The following CAPS2 variants were observed in gnomAD, a reference collection of about 807,000 sequenced individuals.
CAPS2 encodes calcyphosin-2.
In CAPS2, 98 loss-of-function variants were observed where a neutral mutation model predicts 86.5. That is an observed-to-expected ratio of 1.13 (90% confidence interval 0.96 to 1.34). CAPS2 has a LOEUF of 1.34. Ranked by LOEUF, CAPS2 falls within the 40% of genes most tolerant of loss-of-function variation. The pLI, the probability that CAPS2 is intolerant of heterozygous loss-of-function variation, is 0.00. For missense variants in CAPS2, 729 were observed against 686.8 expected (o/e 1.06, Z -0.69); for synonymous variants, 210 against 225.1 (o/e 0.93, Z 0.60).
chr12:75,340,394 C>T (rs962880621), intron 1 of CAPS2, among the ~76,000 whole-genome samples: 10 of 151,118 alleles, frequency 6.6e-5, no homozygotes, highest in Non-Finnish European at 4.4e-5. Flanking sequence ...CATTTAATGC[C>T]TATAAGAAAA....
intron 1 of CAPS2, among the ~76,000 whole-genome samples, chr12:75,371,777 T>C (rs1593886452): frequency 1.3e-5 from 2 of 152,316 alleles, no homozygotes; most frequent in East Asian, 3.9e-4. Flanking sequence ...AGTACAAGTG[T>C]ATACATGCAC....
chr12:75,333,246 GCAGA>G (rs1427605688), upstream of CAPS2, among the ~76,000 whole-genome samples: 2 of 41,338 alleles, frequency 4.8e-5, no homozygotes, highest in Non-Finnish European at 1.0e-4. Flanking sequence ...ATGTCTATAG[GCAGA>G]CACACACACA....
intron 1 of CAPS2, among the ~76,000 whole-genome samples, chr12:75,343,230 G>A (rs1373033340): frequency 6.6e-6 from 1 of 151,972 alleles, no homozygotes; most frequent in African/African-American, 2.4e-5. Context: ...GAAAGTTTTA[G>A]TATTTCACCA....
At chr12:75,287,204 C>T (rs1170157797) in intron 14 of CAPS2, among the ~76,000 whole-genome samples, 1 of 151,740 alleles carries the variant, frequency 6.6e-6, no homozygotes, top group African/African-American at 2.4e-5. Flanking sequence ...CAGTTGGGCA[C>T]TTCAGGCCTT....
chr12:75,377,430 T>C (rs1256611665), intron 1 of CAPS2, among the ~76,000 whole-genome samples: 1 of 152,190 alleles, frequency 6.6e-6, no homozygotes, highest in Non-Finnish European at 1.5e-5. Context: ...AAGCCAGCAG[T>C]GGCTCAGCCC....
intron 6 of CAPS2, among the ~76,000 whole-genome samples, chr12:75,315,717 AG>A (rs1262337159): frequency 6.6e-6 from 1 of 152,190 alleles, no homozygotes; most frequent in Non-Finnish European, 1.5e-5. Flanking sequence ...AGTATGCCTA[AG>A]ACATTAATCA....
At chr12:75,386,978 A>C (rs573500250) in intron 1 of CAPS2, among the ~76,000 whole-genome samples, 1 of 152,188 alleles carries the variant, frequency 6.6e-6, no homozygotes, top group Non-Finnish European at 1.5e-5. Context: ...TATAAGAGAA[A>C]ATCTAGATGA....
chr12:75,327,013 A>G (rs1479866002), upstream of CAPS2, among the ~76,000 whole-genome samples: 1 of 152,170 alleles, frequency 6.6e-6, no homozygotes, highest in African/African-American at 2.4e-5. Context: ...GAGGCAAGGA[A>G]TGGATTTTCC....
In CAPS2 at chr12:75,380,210, A is replaced by G. The variant is rs140716389; in HGVS notation, c.-395+10628T>C. On this transcript the variant is annotated intron_variant, in intron 1 of 5. Coordinates refer to the CAPS2 transcript ENST00000551829. ...TGCTTGCATTTGTATCTTGACAACT[A>G]TATTGAATCGGCAATTTCCTCTTAG... is the stretch of plus-strand genomic sequence containing the variant. 3.0e-4 allele frequency among the ~76,000 whole-genome samples: 45 copies of G among 152,320 alleles called. 2 individuals are homozygous for G. The East Asian group carries it at 8.7e-3, about 29-fold the overall frequency.
intron 1 of CAPS2, among the ~76,000 whole-genome samples, chr12:75,367,619 T>C (rs1229506131): frequency 2.0e-5 from 3 of 152,124 alleles, no homozygotes; most frequent in Non-Finnish European, 4.4e-5. Flanking sequence ...ATTGATTTTA[T>C]TGCCTTAAAA....
At chr12:75,337,526 A>AT (rs1394251624) in intron 1 of CAPS2, among the ~76,000 whole-genome samples, 1 of 151,916 alleles carries the variant, frequency 6.6e-6, no homozygotes, top group African/African-American at 2.4e-5. Context: ...GAAAATCAGC[A>AT]TTTTATAAAA....
intron 1 of CAPS2, among the ~76,000 whole-genome samples, chr12:75,365,601 A>G (rs1011209341): frequency 6.6e-6 from 1 of 152,156 alleles, no homozygotes; most frequent in Admixed American, 6.5e-5. Flanking sequence ...CCAGAGAGTT[A>G]ATGAATATAC....
At chr12:75,347,625 G>A (rs2042540979) in intron 1 of CAPS2, 7 of 1,603,632 alleles carry the variant, frequency 4.4e-6, no homozygotes, top group Non-Finnish European at 6.0e-6. Context: ...TTTATAGTTA[G>A]TTTGGGCCAA....
chr12:75,377,954 T>C (rs1422781067), intron 1 of CAPS2, among the ~76,000 whole-genome samples: 2 of 152,024 alleles, frequency 1.3e-5, no homozygotes, highest in Non-Finnish European at 2.9e-5. Flanking sequence ...TTGTTTTGTA[T>C]ATATTGTCAG....
chr12:75,284,907 G>T, intron 15 of CAPS2, 54 bp downstream of exon 15: 2 of 1,461,590 alleles, frequency 1.4e-6, no homozygotes, highest in South Asian at 1.3e-5. Context: ...TTAAAATACT[G>T]AACCTAACAA....
intron 1 of CAPS2, chr12:75,369,688 T>A (rs1309411591): frequency 1.0e-6 from 1 of 984,934 alleles, no homozygotes; most frequent in African/African-American, 1.7e-5. Flanking sequence ...AAAAATAAAG[T>A]TAACTACTTT....
At chr12:75,298,012 G>C (rs920839289) in intron 11 of CAPS2, among the ~76,000 whole-genome samples, 5 of 152,046 alleles carry the variant, frequency 3.3e-5, no homozygotes, top group Non-Finnish European at 5.9e-5. Context: ...TAGACTGCCA[G>C]CTCCAAAAAA....
upstream of CAPS2, among the ~76,000 whole-genome samples, chr12:75,328,037 A>G (rs2040947880): frequency 6.6e-6 from 1 of 152,028 alleles, no homozygotes; most frequent in Non-Finnish European, 1.5e-5. Context: ...CTTATCAACC[A>G]ATAGTAAACA....
exon 17 of CAPS2, chr12:75,278,370 T>C: frequency 1.0e-6 from 1 of 984,060 alleles, no homozygotes; most frequent in Non-Finnish European, 1.2e-6. Flanking sequence ...GAAAAATTTC[T>C]CTTGCATATC....
Sources: gnomAD v4.1 joint callset for allele counts (sites outside exome capture counted in the v4.1 genomes callset) on GRCh38, gnomAD v4.1.1 for gene constraint, MANE v1.5 for transcripts, NCBI Gene and HGNC (gene_info 2026-07-23, HGNC 2026-07-21) for gene names.